The following USP17L7 variants were observed in gnomAD, a reference collection of about 807,000 sequenced individuals.
USP17L7 encodes ubiquitin specific peptidase 17 like family member 7.
In USP17L7, 53 loss-of-function variants were observed where a neutral mutation model predicts 37.6. That is an observed-to-expected ratio of 1.41 (90% CI 1.13 to 1.77). The LOEUF (loss-of-function observed/expected upper bound fraction) is 1.77. Among genes scored for constraint, USP17L7 ranks in the 40% most tolerant of loss-of-function variants. The pLI is 0.00. For synonymous variants in USP17L7, 330 were observed against 251.0 expected (o/e 1.31, Z -2.98); for missense variants, 914 against 645.0 (o/e 1.42, Z -4.52).
In USP17L7 at chr8:12,133,819, G is replaced by A. The variant is rs144333235; in HGVS notation, c.191C>T (p.Pro64Leu). ...GCTACTCAGAGGAAGCTTCTCCCTG[G>A]GAGCAAGCTGTCTTGCCACAGGAGC... is the stretch of plus-strand genomic sequence containing the variant. ...DLAPVARQLAPREKLPLSSRR... is the reference protein window; with the variant it reads ...DLAPVARQLALREKLPLSSRR... Residue 64 changes from proline (P) to leucine (L), a missense_variant, in exon 1 of 1, where the codon CCC becomes CTC. Pro to Leu is a moderately conservative substitution (Grantham distance 98). Coordinates refer to ENST00000530447, the MANE Select transcript of USP17L7 (RefSeq NM_001256869.2). The A allele has an allele frequency of 3.3e-3, 5,027 of 1,526,328 alleles. 247 individuals are homozygous for A. In the African/African-American group the frequency reaches 0.062, roughly 19 times the overall value. The allele number at this position is 1,526,328 out of a possible 1,614,324, so 94.5% of individuals were successfully genotyped here.
Position 12,132,518 on chromosome 8 carries a change from C to G in USP17L7, c.1492G>C (p.Glu498Gln). 2 of 1,498,896 alleles carry G rather than the reference C, an allele frequency of 1.3e-6. 1 individual carries two copies. Among genetic ancestry groups the G allele is most frequent in the Non-Finnish European group, 1.8e-6 (2 of 1,100,398 alleles). The allele number at this position is 1,498,896 out of a possible 1,614,324, so 92.8% of individuals were successfully genotyped here. ...GCGAGTGTGCCAGTGTTCATGGACTCCTGATCTGTCGGTTTCGTCGAAGAG... is the reference window on the plus strand; with the variant it reads ...GCGAGTGTGCCAGTGTTCATGGACTGCTGATCTGTCGGTTTCGTCGAAGAG... ...NLSSTKPTDQ[E>Q]SMNTGTLASL... The change falls in exon 1 of 1, where the codon GAG becomes CAG. Residue 498 changes from glutamate to glutamine, a missense_variant. Coordinates refer to ENST00000530447, the MANE Select transcript of USP17L7 (RefSeq NM_001256869.2).
In USP17L7 at chr8:12,132,883, CTCTTCTGG is replaced by C; in HGVS notation, c.1119_1126del (p.Ile373MetfsTer2). On this transcript the variant is annotated frameshift_variant, in exon 1 of 1. Coordinates refer to ENST00000530447, the MANE Select transcript of USP17L7 (RefSeq NM_001256869.2). LOFTEE classifies it high-confidence loss of function. Reference sequence around the variant, plus strand: ...ACTCTCACTGTGTCTTTCCCATTCACTCTTCTGGATGTAAAAGAGGACATAGGCCTGTT... The same window carrying C: ...ACTCTCACTGTGTCTTTCCCATTCACATGTAAAAGAGGACATAGGCCTGTT... 1 of 1,494,596 alleles carries C rather than the reference CTCTTCTGG, an allele frequency of 6.7e-7. No homozygotes were observed. The highest frequency in any genetic ancestry group is 9.1e-7 in the Non-Finnish European group (1 of 1,093,880). 92.6% of individuals were successfully genotyped at this position (1,494,596 alleles called of 1,614,324 possible).
At position 12,132,747 on chromosome 8, in the gene USP17L7, G is replaced by A. The variant is rs191378034; in HGVS notation, c.1263C>T (p.Asp421=). The change falls in exon 1 of 1, where the codon GAC becomes GAT. Residue 421 remains aspartate (D), a synonymous_variant. Coordinates refer to ENST00000530447, the MANE Select transcript of USP17L7 (RefSeq NM_001256869.2). ...DHPCLQVPEL[D]EHLVERATQE... ...GAGTGGCTCTTTCCACCAAGTGCTCGTCCAACTCGGGTACCTGGAGGCAAG... is the reference window on the plus strand; with the variant it reads ...GAGTGGCTCTTTCCACCAAGTGCTCATCCAACTCGGGTACCTGGAGGCAAG... 0.059 allele frequency: 88,371 copies of A among 1,510,316 alleles called. 3,751 individuals carry two copies. The highest frequency in any genetic ancestry group is 0.077 in the South Asian group (6,228 of 81,100). The allele number at this position is 1,510,316 out of a possible 1,614,324, so 93.6% of individuals were successfully genotyped here.
chr8:12,133,714 G>T lies in USP17L7; in HGVS notation c.296C>A (p.Thr99Lys), dbSNP rs781211877. 7.6e-6 allele frequency: 10 copies of T among 1,315,292 alleles called. No individual in the cohort carries two copies. In the African/African-American group the frequency reaches 1.2e-4, roughly 15 times the overall value. 81.5% of individuals were successfully genotyped at this position (1,315,292 alleles called of 1,614,324 possible). ...GTAGTTGGAAAGCGGCAGTGTGTAT[G>T]TCAGGCACTGCAGGGAAACGTTCAC... ...FYVNVSLQCLTYTLPLSNYML... is the reference protein window; with the variant it reads ...FYVNVSLQCLKYTLPLSNYML... Residue 99 changes from threonine (T) to lysine (K), a missense_variant, in exon 1 of 1, where the codon ACA (threonine) becomes AAA (lysine). By Grantham distance (78) the Thr-to-Lys change is moderately conservative. Transcript: ENST00000530447.
chr8:12,133,973 G>T lies in USP17L7; in HGVS notation c.37C>A (p.Gln13Lys), dbSNP rs761560267. 6.9e-6 allele frequency: 8 copies of T among 1,162,338 alleles called. 2 individuals carry two copies. Among genetic ancestry groups the T allele is most frequent in the South Asian group, 1.4e-5 (1 of 72,794 alleles). The allele number at this position is 1,162,338 out of a possible 1,614,324, so 72.0% of individuals were successfully genotyped here. The change falls in exon 1 of 1, where the codon CAG becomes AAG. Residue 13 changes from glutamine to lysine, a missense_variant. Physicochemically the swap from Gln to Lys is moderately conservative, Grantham distance 53. Coordinates refer to ENST00000530447, the MANE Select transcript of USP17L7 (RefSeq NM_001256869.2). ...DDSLYLGGDWQFNHFSKLTSS... is the reference protein window; with the variant it reads ...DDSLYLGGDWKFNHFSKLTSS... ...GTGAGTTTTGAAAAGTGATTGAACT[G>T]CCAGTCACCTCCCAAATAGAGTGAG...
At position 12,133,761 on chromosome 8, in the gene USP17L7, C is replaced by G. The variant is rs753123547; in HGVS notation, c.249G>C (p.Gln83His). 29 of 1,464,618 alleles carry G rather than the reference C, an allele frequency of 2.0e-5. 5 individuals are homozygous for G. The South Asian group carries it at 2.8e-4, about 14-fold the overall frequency. 90.7% of individuals were successfully genotyped at this position (1,464,618 alleles called of 1,614,324 possible). The change falls in exon 1 of 1, where the codon CAG (glutamine) becomes CAC (histidine). Residue 83 changes from glutamine to histidine, a missense_variant. Coordinates refer to ENST00000530447, the MANE Select transcript of USP17L7 (RefSeq NM_001256869.2). ...RRPAAVGAGL[Q>H]KIGNTFYVNV... is the part of the protein sequence containing the mutation. The stretch of plus-strand genomic sequence containing the variant: ...TCACATAGAAGGTATTTCCTATCTT[C>G]TGGAGCCCAGCCCCCACCGCAGCAG...
rs758987891 is a variant in USP17L7, at chr8:12,133,098, C to G, written c.912G>C (p.Gln304His). ...NVQYPKCRDM[Q>H]PYMSQQNTGP... ...CTGTGTTCTGCTGAGACATGTATGG[C>G]TGCATGTCACGGCACTTAGGATATT... is the stretch of plus-strand genomic sequence containing the variant. The change falls in exon 1 of 1, where the codon CAG becomes CAC. Residue 304 changes from glutamine (Q) to histidine (H), a missense_variant. Physicochemically the swap from Gln to His is conservative, Grantham distance 24. Transcript: ENST00000530447. The G allele has an allele frequency of 5.4e-6, 8 of 1,478,282 alleles. 1 individual carries two copies. Among genetic ancestry groups the G allele is most frequent in the East Asian group, 2.7e-5 (1 of 37,666 alleles). 91.6% of individuals were successfully genotyped at this position (1,478,282 alleles called of 1,614,324 possible).
Position 12,133,764 on chromosome 8 carries a change from G to A in USP17L7, c.246C>T (p.Leu82=). 1 of 1,470,188 alleles carries A rather than the reference G, an allele frequency of 6.8e-7. No individual in the cohort carries two copies. Among genetic ancestry groups the A allele is most frequent in the Middle Eastern group, 2.5e-4 (1 of 3,992 alleles). 91.1% of individuals were successfully genotyped at this position (1,470,188 alleles called of 1,614,324 possible). ...SRRPAAVGAG[L]QKIGNTFYVN... is the part of the protein sequence containing the mutation. ...CATAGAAGGTATTTCCTATCTTCTG[G>A]AGCCCAGCCCCCACCGCAGCAGGTC... The change falls in exon 1 of 1, where the codon CTC becomes CTT. Residue 82 remains leucine (L), a synonymous_variant. Transcript: ENST00000530447.
In USP17L7 at chr8:12,133,866, A is replaced by G. The variant is rs772300057; in HGVS notation, c.144T>C (p.Arg48=). Reference sequence around the variant, plus strand: ...GAGCCAAATCATCACAGAGGTCGAAACGGGTCTCAGATGAGAGTGGTGACT... The same window carrying G: ...GAGCCAAATCATCACAGAGGTCGAAGCGGGTCTCAGATGAGAGTGGTGACT... ...SEKSPLSSET[R]FDLCDDLAPV... Residue 48 remains arginine, a synonymous_variant, in exon 1 of 1, where the codon CGT becomes CGC. Transcript: ENST00000530447. The G allele has an allele frequency of 5.9e-6, 9 of 1,522,482 alleles. 1 individual carries two copies. Among genetic ancestry groups the G allele is most frequent in the Non-Finnish European group, 8.0e-6 (9 of 1,121,036 alleles). 94.3% of individuals were successfully genotyped at this position (1,522,482 alleles called of 1,614,324 possible).
chr8:12,133,717 A>C lies in USP17L7; in HGVS notation c.293T>G (p.Leu98Arg). ...TFYVNVSLQC[L>R]TYTLPLSNYM... ...GTTGGAAAGCGGCAGTGTGTATGTC[A>C]GGCACTGCAGGGAAACGTTCACATA... The change falls in exon 1 of 1, where the codon CTG (leucine) becomes CGG (arginine). Residue 98 changes from leucine (L) to arginine (R), a missense_variant. Coordinates refer to ENST00000530447, the MANE Select transcript of USP17L7 (RefSeq NM_001256869.2). The C allele has an allele frequency of 7.5e-7, 1 of 1,328,512 alleles. No individual in the cohort carries two copies. Among genetic ancestry groups the C allele is most frequent in the Non-Finnish European group, 1.1e-6 (1 of 945,464 alleles). 82.3% of individuals were successfully genotyped at this position (1,328,512 alleles called of 1,614,324 possible). A position where few individuals can be genotyped will look rare whatever the true frequency, so the allele number is the denominator to read the frequency against.
rs750904815 is a variant in USP17L7, at chr8:12,134,043, C to G, written c.-34G>C. The G allele has an allele frequency of 4.4e-6, 4 of 899,506 alleles. No homozygotes were observed. The highest frequency in any genetic ancestry group is 7.2e-6 in the Non-Finnish European group (4 of 558,300). 55.7% of individuals were successfully genotyped at this position (899,506 alleles called of 1,614,324 possible). ...CAACAAGGATCACAAGGTTTTTCTG[C>G]TGGGACCGCAGGTTGCAGCAAGACG... On this transcript the variant is annotated 5_prime_UTR_variant, in exon 1 of 1. Coordinates refer to ENST00000530447, the MANE Select transcript of USP17L7 (RefSeq NM_001256869.2).
Position 12,134,055 on chromosome 8 carries a change from G to T in USP17L7, c.-46C>A, listed in dbSNP as rs777909218. 4 of 856,790 alleles carry T rather than the reference G, an allele frequency of 4.7e-6. 1 individual carries two copies. In the South Asian group the frequency reaches 5.8e-5, roughly 13 times the overall value. The allele number at this position is 856,790 out of a possible 1,614,324, so 53.1% of individuals were successfully genotyped here. Reference sequence around the variant, plus strand: ...CAAGGTTTTTCTGCTGGGACCGCAGGTTGCAGCAAGACGCTATCTCTTCCG... The same window carrying T: ...CAAGGTTTTTCTGCTGGGACCGCAGTTTGCAGCAAGACGCTATCTCTTCCG... On this transcript the variant is annotated 5_prime_UTR_variant, in exon 1 of 1. Coordinates refer to ENST00000530447, the MANE Select transcript of USP17L7 (RefSeq NM_001256869.2).
Position 12,133,902 on chromosome 8 carries a change from A to T in USP17L7, c.108T>A (p.Ser36=). The change falls in exon 1 of 1, where the codon TCT becomes TCA. Residue 36 remains serine (S), a synonymous_variant. Coordinates refer to ENST00000530447, the MANE Select transcript of USP17L7 (RefSeq NM_001256869.2). ...ATGAGAGTGGTGACTTTTCAGAGAG[A>T]GAAGTCCGCTGGATTTCAGCAAAAG... The part of the protein sequence containing the change: ...DAAFAEIQRT[S]LSEKSPLSSE... 1 of 1,479,210 alleles carries T rather than the reference A, an allele frequency of 6.8e-7. No homozygotes were observed. Among genetic ancestry groups the T allele is most frequent in the Non-Finnish European group, 9.2e-7 (1 of 1,082,686 alleles). 91.6% of individuals were successfully genotyped at this position (1,479,210 alleles called of 1,614,324 possible).
Position 12,133,315 on chromosome 8 carries a change from C to T in USP17L7, c.695G>A (p.Ser232Asn), listed in dbSNP as rs759347877. The T allele has an allele frequency of 6.6e-7, 1 of 1,513,414 alleles. No individual in the cohort carries two copies. The highest frequency in any genetic ancestry group is 8.9e-7 in the Non-Finnish European group (1 of 1,118,194). 93.7% of individuals were successfully genotyped at this position (1,513,414 alleles called of 1,614,324 possible). ...CAACTGTTCCAAAGCTTGCTTGACA[C>T]TCTGAGCTGCCTGGATATCCAGGGC... is the stretch of plus-strand genomic sequence containing the variant. ...DIALDIQAAQSVKQALEQLVK... is the reference protein window; with the variant it reads ...DIALDIQAAQNVKQALEQLVK... The change falls in exon 1 of 1, where the codon AGT (serine) becomes AAT (asparagine). Residue 232 changes from serine (S) to asparagine (N), a missense_variant. Transcript: ENST00000530447.
Position 12,134,015 on chromosome 8 carries a change from C to A in USP17L7, c.-6G>T, listed in dbSNP as rs1160942758. ...TAGAGTGAGTCGTCTTCCATGTCGC[C>A]CGCAACAAGGATCACAAGGTTTTTC... is the stretch of plus-strand genomic sequence containing the variant. On this transcript the variant is annotated 5_prime_UTR_variant, in exon 1 of 1. Coordinates refer to ENST00000530447, the MANE Select transcript of USP17L7 (RefSeq NM_001256869.2). The A allele has an allele frequency of 8.1e-6, 8 of 985,850 alleles. No homozygotes were observed. The highest frequency in any genetic ancestry group is 1.8e-5 in the Admixed American group (1 of 56,686). 61.1% of individuals were successfully genotyped at this position (985,850 alleles called of 1,614,324 possible). A position where few individuals can be genotyped will look rare whatever the true frequency, so the allele number is the denominator to read the frequency against.
chr8:12,132,792 T>G lies in USP17L7; in HGVS notation c.1218A>C (p.Gly406=). 6.6e-7 allele frequency: 1 copy of G among 1,518,774 alleles called. No homozygotes were observed. The highest frequency in any genetic ancestry group is 9.0e-7 in the Non-Finnish European group (1 of 1,115,668). The allele number at this position is 1,518,774 out of a possible 1,614,324, so 94.1% of individuals were successfully genotyped here. A position where few individuals can be genotyped will look rare whatever the true frequency, so the allele number is the denominator to read the frequency against. Residue 406 remains glycine, a synonymous_variant, in exon 1 of 1, where the codon GGA becomes GGC. Coordinates refer to ENST00000530447, the MANE Select transcript of USP17L7 (RefSeq NM_001256869.2). Reference sequence around the variant, plus strand: ...GGCAAGGGTGGTCTCTCTTGAGCTCTCCTTGCGTTGCTGGCCTGTCTGTGT... The same window carrying G: ...GGCAAGGGTGGTCTCTCTTGAGCTCGCCTTGCGTTGCTGGCCTGTCTGTGT... ...AEDTDRPATQ[G]ELKRDHPCLQ...
rs751279766 is a variant in USP17L7, at chr8:12,133,883, G to A, written c.127C>T (p.Leu43Phe). ...AGGTCGAAACGGGTCTCAGATGAGAGTGGTGACTTTTCAGAGAGAGAAGTC... is the reference window on the plus strand; with the variant it reads ...AGGTCGAAACGGGTCTCAGATGAGAATGGTGACTTTTCAGAGAGAGAAGTC... ...QRTSLSEKSP[L>F]SSETRFDLCD... Residue 43 changes from leucine (L) to phenylalanine (F), a missense_variant, in exon 1 of 1, where the codon CTC becomes TTC. By Grantham distance (22) the Leu-to-Phe change is conservative. Coordinates refer to ENST00000530447, the MANE Select transcript of USP17L7 (RefSeq NM_001256869.2). 1.6e-5 allele frequency: 24 copies of A among 1,506,528 alleles called. 1 individual carries two copies. The highest frequency in any genetic ancestry group is 1.0e-4 in the Admixed American group (6 of 57,240). 93.3% of individuals were successfully genotyped at this position (1,506,528 alleles called of 1,614,324 possible). A position where few individuals can be genotyped will look rare whatever the true frequency, so the allele number is the denominator to read the frequency against.
chr8:12,133,539 C>T lies in USP17L7; in HGVS notation c.471G>A (p.Glu157=). 4 of 1,443,232 alleles carry T rather than the reference C, an allele frequency of 2.8e-6. No individual in the cohort carries two copies. The highest frequency in any genetic ancestry group is 1.3e-5 in the South Asian group (1 of 78,764). The allele number at this position is 1,443,232 out of a possible 1,614,324, so 89.4% of individuals were successfully genotyped here. The stretch of plus-strand genomic sequence containing the variant: ...TGAGAAATTCATGGGCATCCTCCTG[C>T]TCACCTCTATGGAAGCCAGCAGCCA... ...QVLAAGFHRG[E]QEDAHEFLMF... is the part of the protein sequence containing the mutation. The change falls in exon 1 of 1, where the codon GAG becomes GAA. Residue 157 remains glutamate (E), a synonymous_variant. Coordinates refer to ENST00000530447, the MANE Select transcript of USP17L7 (RefSeq NM_001256869.2).
chr8:12,132,978 G>C lies in USP17L7; in HGVS notation c.1032C>G (p.Gly344=), dbSNP rs781418031. ...HYFSYVKAQE[G]QWYKMDDAEV... is the part of the protein sequence containing the mutation. ...CGGCATCATCCATTTTATACCACTG[G>C]CCTTCTTGAGCTTTGACATAAGAGA... Residue 344 remains glycine (G), a synonymous_variant, in exon 1 of 1, where the codon GGC becomes GGG. Coordinates refer to ENST00000530447, the MANE Select transcript of USP17L7 (RefSeq NM_001256869.2). 6.5e-7 allele frequency: 1 copy of C among 1,531,000 alleles called. No homozygotes were observed. Among genetic ancestry groups the C allele is most frequent in the Non-Finnish European group, 8.9e-7 (1 of 1,126,858 alleles). 94.8% of individuals were successfully genotyped at this position (1,531,000 alleles called of 1,614,324 possible).
Sources: allele counts gnomAD v4.1 joint callset, GRCh38; gene constraint gnomAD v4.1.1; transcripts MANE v1.5; gene names NCBI Gene and HGNC (gene_info 2026-07-23, HGNC 2026-07-21).